CDK8: variants seen among roughly 807,000 people sequenced by gnomAD.
CDK8 encodes the protein cyclin-dependent kinase 8.
In CDK8, 29 loss-of-function variants were observed where a neutral mutation model predicts 71.5. The observed-to-expected ratio is 0.41, with a 90% confidence interval of 0.30 to 0.55. The LOEUF (loss-of-function observed/expected upper bound fraction) is 0.55, where lower values mean the gene tolerates loss of function less well. CDK8 is among the 20% of genes least tolerant of loss of function. The pLI is 0.37. For missense variants in CDK8, 288 were observed against 572.6 expected (o/e 0.50, Z 5.07); for synonymous variants, 161 against 192.1 (o/e 0.84, Z 1.34).
chr13:26,265,845 C>G (rs1312420367), intron 1 of CDK8, among the ~76,000 whole-genome samples: 1 of 152,090 alleles, frequency 6.6e-6, no homozygotes, highest in African/African-American at 2.4e-5. Context: ...GGGAACCATG[C>G]TTAGGGTCTT....
At chr13:26,276,053 G>C (rs1352780994) in intron 1 of CDK8, among the ~76,000 whole-genome samples, 3 of 151,878 alleles carry the variant, frequency 2.0e-5, no homozygotes, top group Admixed American at 6.6e-5. Flanking sequence ...AGTATAGATG[G>C]GGTTTCACCA....
At chr13:26,382,746 T>C (rs1875288949) in intron 4 of CDK8, 68 bp from the exon 5 acceptor site, 1 of 868,252 alleles carries the variant, frequency 1.2e-6, no homozygotes. Flanking sequence ...TGTGTTATAT[T>C]GGCATATTGT....
chr13:26,261,971 GTAATTCTGAAACAGAGATTCATACAGC>G (rs1871788887), intron 1 of CDK8, among the ~76,000 whole-genome samples: 1 of 152,202 alleles, frequency 6.6e-6, no homozygotes, highest in Admixed American at 6.5e-5. Flanking sequence ...ATCTATTGCA[GTAATTCTGAAACAGAGATTCATACAGC>G]TGCTCTCCTC....
intron 1 of CDK8, among the ~76,000 whole-genome samples, chr13:26,263,450 T>C (rs955600087): frequency 1.3e-5 from 2 of 149,628 alleles, no homozygotes; most frequent in African/African-American, 4.9e-5. Context: ...AGGTATTACC[T>C]TTTTTTTTGA....
At chr13:26,380,400 C>G (rs1196590270) in intron 4 of CDK8, among the ~76,000 whole-genome samples, 1 of 152,084 alleles carries the variant, frequency 6.6e-6, no homozygotes, top group South Asian at 2.1e-4. Context: ...AGGCTAGTCT[C>G]GAACCCCTGA....
chr13:26,380,865 C>T (rs527507732), intron 4 of CDK8, among the ~76,000 whole-genome samples: 1 of 152,332 alleles, frequency 6.6e-6, no homozygotes, highest in African/African-American at 2.4e-5. Flanking sequence ...TATCGCTCTA[C>T]AGTTTTATTC....
intron 1 of CDK8, among the ~76,000 whole-genome samples, chr13:26,306,005 TC>T (rs1874024990): frequency 6.6e-6 from 1 of 152,198 alleles, no homozygotes; most frequent in Non-Finnish European, 1.5e-5. Context: ...TTGGAATTTT[TC>T]TTGAAAAATA....
chr13:26,348,906 T>G (rs533114100), intron 2 of CDK8, among the ~76,000 whole-genome samples, 166 bp from the exon 3 acceptor site: 107 of 152,356 alleles, frequency 7.0e-4, no homozygotes, highest in African/African-American at 2.4e-3. Flanking sequence ...CACAGATATC[T>G]TCTCATTTGT....
chr13:26,330,328 C>G (rs1265725435), intron 1 of CDK8, among the ~76,000 whole-genome samples: 3 of 152,122 alleles, frequency 2.0e-5, no homozygotes, highest in African/African-American at 7.2e-5. Context: ...GCTTCGGCCT[C>G]CCTAGTAGCT....
chr13:26,382,862 G>A lies in CDK8; in HGVS notation c.505G>A (p.Val169Ile). Residue 169 changes from valine to isoleucine, a missense_variant, in exon 5 of 13, where the codon GTA (valine) becomes ATA (isoleucine). By Grantham distance (29) the Val-to-Ile change is conservative. This residue lies in a region of CDK8 where 95 missense variants were observed against 177.3 expected (regional missense o/e 0.54). Transcript: ENST00000381527. Reference sequence around the variant, plus strand: ...GGGTGAAGGTCCTGAGCGAGGAAGAGTAAAAATTGGTATGTTATATCTTTG... The same window carrying A: ...GGGTGAAGGTCCTGAGCGAGGAAGAATAAAAATTGGTATGTTATATCTTTG... ...VMGEGPERGR[V>I]KIADMGFARL... is the part of the protein sequence containing the mutation. 1 of 1,597,208 alleles carries A rather than the reference G, an allele frequency of 6.3e-7. No individual in the cohort carries two copies. Among genetic ancestry groups the A allele is most frequent in the Non-Finnish European group, 8.5e-7 (1 of 1,172,500 alleles).
At position 26,350,231 on chromosome 13, in the gene CDK8, A is replaced by G. The variant is rs7336400; in HGVS notation, c.315+1049A>G. The stretch of plus-strand genomic sequence containing the variant: ...TTACTTGAATTGGGCATAATCTTGC[A>G]TTGGAGGAATTTTTTGTGGATGAGA... On this transcript the variant is annotated intron_variant, in intron 3 of 12. Transcript: ENST00000381527. Among the ~76,000 whole-genome samples, 1,005 of 152,314 alleles carry G rather than the reference A, an allele frequency of 6.6e-3. 10 individuals are homozygous for G. Among genetic ancestry groups the G allele is most frequent in the African/African-American group, 0.021 (871 of 41,570 alleles).
intron 1 of CDK8, among the ~76,000 whole-genome samples, chr13:26,292,686 G>T (rs1873360117): frequency 6.6e-6 from 1 of 152,206 alleles, no homozygotes; most frequent in Admixed American, 6.5e-5. Context: ...AGGAAGAGAA[G>T]AATGCATATT....
chr13:26,275,463 A>G (rs181094769), intron 1 of CDK8, among the ~76,000 whole-genome samples: 1 of 152,226 alleles, frequency 6.6e-6, no homozygotes, highest in East Asian at 1.9e-4. Flanking sequence ...CATATTGCCT[A>G]CTACAAGGTA....
chr13:26,403,162 C>G (rs1184416526), intron 12 of CDK8, among the ~76,000 whole-genome samples: 1 of 152,068 alleles, frequency 6.6e-6, no homozygotes, highest in African/African-American at 2.4e-5. Context: ...GTCCTTCTTA[C>G]TGTGGTTATA....
At chr13:26,265,063 T>C (rs143274051) in intron 1 of CDK8, among the ~76,000 whole-genome samples, 26 of 152,338 alleles carry the variant, frequency 1.7e-4, no homozygotes, top group African/African-American at 6.0e-4. Context: ...CCCCTTGATA[T>C]ACTGATTTCT....
Position 26,307,770 on chromosome 13 carries a change from T to C in CDK8, c.129-29797T>C, listed in dbSNP as rs117833913. On this transcript the variant is annotated intron_variant, in intron 1 of 12. Coordinates refer to ENST00000381527, the MANE Select transcript of CDK8 (RefSeq NM_001260.3). ...TACCATGTATAGATGTATGTATCCC[T>C]AAAAGACATGCATTGCTGTGCATGT... is the stretch of plus-strand genomic sequence containing the variant. Among the ~76,000 whole-genome samples the C allele has an allele frequency of 1.1e-4, 16 of 152,304 alleles. No individual in the cohort carries two copies. The East Asian group carries it at 3.1e-3, about 29-fold the overall frequency.
intron 4 of CDK8, among the ~76,000 whole-genome samples, chr13:26,365,091 T>G (rs1245357330): frequency 6.6e-6 from 1 of 152,160 alleles, no homozygotes; most frequent in Admixed American, 6.5e-5. Flanking sequence ...TGTTGGGAAC[T>G]CCAAGGATTT....
intron 3 of CDK8, among the ~76,000 whole-genome samples, chr13:26,353,114 T>G (rs1873750035): frequency 6.6e-6 from 1 of 152,268 alleles, no homozygotes; most frequent in Admixed American, 6.5e-5. Context: ...GGCACATTTA[T>G]TCATAAAGTA....
chr13:26,270,369 A>G (rs1439074377), intron 1 of CDK8, among the ~76,000 whole-genome samples: 5 of 150,626 alleles, frequency 3.3e-5, no homozygotes, highest in Non-Finnish European at 7.4e-5. Context: ...AGCCTGGGCA[A>G]CAAGAGCGAA....
Sources: gnomAD v4.1 joint callset for allele counts (sites outside exome capture counted in the v4.1 genomes callset) on GRCh38, gnomAD v4.1.1 for gene constraint, gnomAD v4.1.1 regional missense constraint, MANE v1.5 for transcripts, NCBI Gene and HGNC (gene_info 2026-07-23, HGNC 2026-07-21) for gene names.